Variants in GHRH observed in about 807,000 individuals in gnomAD.
GHRH encodes the protein somatoliberin.
Under a neutral mutation model 15.6 loss-of-function variants are expected in GHRH, and 7 were observed. The observed-to-expected ratio is 0.45, with a 90% CI of 0.26 to 0.84. The LOEUF is 0.84. Among genes scored for constraint, GHRH ranks in the 40% least tolerant of loss-of-function variants. The pLI is 0.18. For synonymous variants in GHRH, 54 were observed against 50.4 expected, an observed-to-expected ratio of 1.07 and a Z score of -0.30; for missense variants, 117 against 138.0, an observed-to-expected ratio of 0.85 and a Z score of 0.76.
intron 4 of GHRH, among the ~76,000 whole-genome samples, chr20:37,252,282 C>T (rs1233697223): frequency 1.3e-5 from 2 of 152,174 alleles, no homozygotes; most frequent in African/African-American, 2.4e-5. Context: ...TGGTTGTCGC[C>T]TCTCCTGTCA....
intron 4 of GHRH, among the ~76,000 whole-genome samples, chr20:37,251,897 A>G (rs1239594916): frequency 6.6e-6 from 1 of 152,130 alleles, no homozygotes; most frequent in Non-Finnish European, 1.5e-5. Context: ...CTGGAGGGGG[A>G]ACAATGGCTA....
intron 3 of GHRH, 141 bp downstream of exon 3, chr20:37,256,253 C>A: frequency 1.8e-6 from 1 of 562,666 alleles, no homozygotes; most frequent in South Asian, 2.4e-5. Context: ...ACGCTGGAAC[C>A]CTTTTGCTAT....
At chr20:37,259,851 TC>T (rs1304278794) in intron 1 of GHRH, among the ~76,000 whole-genome samples, 1 of 152,182 alleles carries the variant, frequency 6.6e-6, no homozygotes, top group Non-Finnish European at 1.5e-5. Context: ...CAGACTTCCT[TC>T]CGCTCCATGC....
chr20:37,254,070 T>C, intron 4 of GHRH, 140 bp downstream of exon 4: 1 of 846,758 alleles, frequency 1.2e-6, no homozygotes, highest in Non-Finnish European at 1.9e-6. Flanking sequence ...TCTTAATGTC[T>C]GTCAGGAGGG....
rs560029017 is a variant in GHRH at position 37,253,228 on chromosome 20, G to GT, written c.308+981_308+982insA. On this transcript the variant is annotated intron_variant, in intron 4 of 4. Coordinates refer to ENST00000373614, the MANE Select transcript of GHRH (RefSeq NM_021081.6). ...TTTGCCTCACTTTTCCTCCTCTGTA[G>GT]ACTCCCAGGAGAAACGTGAGGGCCA... Among the ~76,000 whole-genome samples the GT allele has an allele frequency of 5.0e-3, 757 of 152,298 alleles. 8 individuals are homozygous for GT. The highest frequency in any genetic ancestry group is 0.017 in the African/African-American group (726 of 41,560).
chr20:37,252,137 A>G (rs1214287265), intron 4 of GHRH, among the ~76,000 whole-genome samples: 1 of 151,774 alleles, frequency 6.6e-6, no homozygotes, highest in Non-Finnish European at 1.5e-5. Flanking sequence ...TTATTTTTGA[A>G]CTCTTGTCTT....
chr20:37,259,177 G>T (rs1395825581), intron 1 of GHRH, among the ~76,000 whole-genome samples: 2 of 152,210 alleles, frequency 1.3e-5, no homozygotes, highest in Non-Finnish European at 2.9e-5. Context: ...GATCTACCCC[G>T]AGGGCTGGCT....
At chr20:37,257,122 C>A (rs1336063148) in intron 1 of GHRH, among the ~76,000 whole-genome samples, 1 of 152,214 alleles carries the variant, frequency 6.6e-6, no homozygotes, top group African/African-American at 2.4e-5. Flanking sequence ...TTTTCTCCAT[C>A]TGTAGAATGG....
chr20:37,253,306 G>A (rs779791177), intron 4 of GHRH, among the ~76,000 whole-genome samples: 18 of 152,212 alleles, frequency 1.2e-4, no homozygotes, highest in African/African-American at 1.9e-4. Context: ...TCGTGTGTCT[G>A]CGCACACTCA....
At chr20:37,261,627 T>C (rs2146753913) in intron 1 of GHRH, 116 bp downstream of exon 1, 1 of 152,334 alleles carries the variant, frequency 6.6e-6, no homozygotes, top group East Asian at 1.9e-4. Flanking sequence ...TACTCACCAG[T>C]CCATGGGCAA....
At chr20:37,252,058 G>A in intron 4 of GHRH, among the ~76,000 whole-genome samples, 1 of 152,208 alleles carries the variant, frequency 6.6e-6, no homozygotes. Context: ...CCTGATGAGA[G>A]CCATAGCAGG....
At chr20:37,256,316 C>A in intron 3 of GHRH, 78 bp downstream of exon 3, 1 of 843,066 alleles carries the variant, frequency 1.2e-6, no homozygotes, top group South Asian at 1.7e-5. Context: ...TGAATTGGTC[C>A]CTGGTCCCCT....
intron 4 of GHRH, among the ~76,000 whole-genome samples, chr20:37,254,009 C>A (rs541280198): frequency 1.3e-5 from 2 of 152,204 alleles, no homozygotes. Context: ...CCTTGGCCTC[C>A]CAAAGTGTTG....
chr20:37,252,115 T>A (rs2068624627), intron 4 of GHRH, among the ~76,000 whole-genome samples: 1 of 152,230 alleles, frequency 6.6e-6, no homozygotes, highest in Non-Finnish European at 1.5e-5. Flanking sequence ...GGAGGCCTTC[T>A]TCTTAGAGAC....
intron 3 of GHRH, 74 bp downstream of exon 3, chr20:37,256,320 G>C: frequency 1.1e-6 from 1 of 879,766 alleles, no homozygotes; most frequent in Non-Finnish European, 1.8e-6. Flanking sequence ...TTGGTCCCTG[G>C]TCCCCTGTAG....
chr20:37,251,620 T>C (rs1398829722), intron 4 of GHRH, among the ~76,000 whole-genome samples: 1 of 152,232 alleles, frequency 6.6e-6, no homozygotes, highest in African/African-American at 2.4e-5. Context: ...CGGTGTGTTA[T>C]GAATTCCATG....
chr20:37,260,506 G>A (rs759568536), intron 1 of GHRH, among the ~76,000 whole-genome samples: 12 of 152,054 alleles, frequency 7.9e-5, no homozygotes, highest in Middle Eastern at 3.2e-3. Flanking sequence ...GATTGCTTGA[G>A]CCCGGGAGGT....
chr20:37,253,308 G>T (rs947460763), intron 4 of GHRH, among the ~76,000 whole-genome samples: 1 of 152,154 alleles, frequency 6.6e-6, no homozygotes, highest in African/African-American at 2.4e-5. Flanking sequence ...GTGTGTCTGC[G>T]CACACTCATC....
At chr20:37,257,859 T>A (rs532933095) in intron 1 of GHRH, among the ~76,000 whole-genome samples, 31 of 152,316 alleles carry the variant, frequency 2.0e-4, no homozygotes, top group Admixed American at 1.8e-3. Flanking sequence ...TCTAGAAACC[T>A]TTGCTGTGTC....
Sources: allele counts gnomAD v4.1 joint callset (sites outside exome capture counted in the v4.1 genomes callset), GRCh38; gene constraint gnomAD v4.1.1; transcripts MANE v1.5; gene names NCBI Gene and HGNC (gene_info 2026-07-23, HGNC 2026-07-21).